The following FBXO31 variants were observed in gnomAD, a reference collection of about 807,000 sequenced individuals.
FBXO31 encodes F-box protein 31.
FBXO31 carries 24 observed loss-of-function variants against 54.4 expected under a neutral mutation model. The observed-to-expected ratio is 0.44, with a 90% CI of 0.32 to 0.62. The LOEUF (loss-of-function observed/expected upper bound fraction) is 0.62. FBXO31 is among the 20% of genes least tolerant of loss of function. The pLI is 0.05. For synonymous variants in FBXO31, 388 were observed against 335.6 expected (o/e 1.16, Z -1.71); for missense variants, 665 against 787.1 (o/e 0.84, Z 1.86).
rs200030266 is a variant in FBXO31, at chr16:87,347,155, G to T, written c.489+19C>A. 1 of 1,612,018 alleles carries T rather than the reference G, an allele frequency of 6.2e-7. No individual in the cohort carries two copies. The highest frequency in any genetic ancestry group is 1.1e-5 in the South Asian group (1 of 91,022). On this transcript the variant is annotated intron_variant, in intron 3 of 8. Coordinates refer to ENST00000311635, the MANE Select transcript of FBXO31 (RefSeq NM_024735.5). ...CTCCTGCCCGTGCACAGACCTCGTC[G>T]CGAGGCTCCGGGACTTACCACCACG...
chr16:87,383,850 G>A (rs1273672941), upstream of FBXO31: 3 of 830,496 alleles, frequency 3.6e-6, no homozygotes. The surrounding 1 kb of genome is among the most constrained non-coding windows in gnomAD (Gnocchi z 4.9). Flanking sequence ...CACGCCCCCT[G>A]GAGAGCCTAG....
Position 87,345,424 on chromosome 16 carries a change from C to T in FBXO31, c.490-1659G>A, listed in dbSNP as rs1905344591. 6.6e-6 allele frequency among the ~76,000 whole-genome samples: 1 copy of T among 152,140 alleles called. No homozygotes were observed. Among genetic ancestry groups the T allele is most frequent in the Non-Finnish European group, 1.5e-5 (1 of 68,020 alleles). On this transcript the variant is annotated intron_variant, in intron 3 of 8. Transcript: ENST00000311635. This position sits in a 1 kb window ranked among gnomAD's most constrained non-coding sequence, Gnocchi z 4.9. ...GCAGACACTGGCACCACGCAGAGCC[C>T]GCAGAGCACCACCTCCTCACCCCAC...
At chr16:87,387,770 T>C (rs1217941781), upstream of FBXO31, among the ~76,000 whole-genome samples, 2 of 152,088 alleles carry the variant, frequency 1.3e-5, no homozygotes, top group African/African-American at 2.4e-5. Context: ...TGGCGCCACA[T>C]GCACTGGGCA....
rs544443333 is a variant in FBXO31, at chr16:87,335,050, C to G, written c.996+254G>C. Among the ~76,000 whole-genome samples, 3 of 152,356 alleles carry G rather than the reference C, an allele frequency of 2.0e-5. No homozygotes were observed. The South Asian group carries it at 6.2e-4, about 32-fold the overall frequency. ...CACAGGGCTGCCAGGGTGGCCGGGGCTGAGCGGTGCTGTGGGAAGGCCACC... is the reference window on the plus strand; with the variant it reads ...CACAGGGCTGCCAGGGTGGCCGGGGGTGAGCGGTGCTGTGGGAAGGCCACC... On this transcript the variant is annotated intron_variant, in intron 7 of 8. Transcript: ENST00000311635. This position sits in a 1 kb window ranked among gnomAD's most constrained non-coding sequence, Gnocchi z 5.7.
chr16:87,344,124 G>A (rs1905281781), intron 3 of FBXO31, among the ~76,000 whole-genome samples: 2 of 152,270 alleles, frequency 1.3e-5, no homozygotes, highest in African/African-American at 2.4e-5. Context: ...GAGATGATCA[G>A]GGAAGCATCC....
At chr16:87,391,513 G>A (rs1907548626), upstream of FBXO31, 1 of 152,466 alleles carries the variant, frequency 6.6e-6, no homozygotes, top group African/African-American at 2.4e-5. Flanking sequence ...GTGGCTGGGA[G>A]GCTGAGGGGT....
chr16:87,348,153 C>T (rs898093782), intron 2 of FBXO31, among the ~76,000 whole-genome samples: 4 of 152,178 alleles, frequency 2.6e-5, no homozygotes, highest in African/African-American at 7.2e-5. Flanking sequence ...CACCCACTGC[C>T]TCTCTCCACG....
chr16:87,378,522 C>T (rs973310760), intron 1 of FBXO31, among the ~76,000 whole-genome samples: 1 of 152,246 alleles, frequency 6.6e-6, no homozygotes, highest in Non-Finnish European at 1.5e-5. Context: ...TAAGTTTCTC[C>T]TTCTGGGACT....
chr16:87,357,918 A>G (rs1162318308), intron 2 of FBXO31, among the ~76,000 whole-genome samples: 5 of 148,580 alleles, frequency 3.4e-5, no homozygotes, highest in East Asian at 2.0e-4. Context: ...CTCTGCCTCA[A>G]AAAAAAAAAA....
chr16:87,369,033 C>G (rs1227976283), intron 1 of FBXO31, among the ~76,000 whole-genome samples: 1 of 152,136 alleles, frequency 6.6e-6, no homozygotes, highest in Non-Finnish European at 1.5e-5. Context: ...AAGTGATCTG[C>G]CTGCCTCGGC....
intron 1 of FBXO31, among the ~76,000 whole-genome samples, chr16:87,364,843 G>C (rs562062812): frequency 6.6e-6 from 1 of 150,660 alleles, no homozygotes; most frequent in Non-Finnish European, 1.5e-5. Flanking sequence ...GCAACATGGC[G>C]AGAGCCCATC....
At chr16:87,352,330 G>A (rs1223036336) in intron 2 of FBXO31, among the ~76,000 whole-genome samples, 1 of 152,124 alleles carries the variant, frequency 6.6e-6, no homozygotes, top group Non-Finnish European at 1.5e-5. Flanking sequence ...TGATTTAAAA[G>A]ATGAGAATGT....
intron 2 of FBXO31, among the ~76,000 whole-genome samples, chr16:87,352,411 C>A (rs1905702259): frequency 6.6e-6 from 1 of 152,002 alleles, no homozygotes; most frequent in Non-Finnish European, 1.5e-5. Context: ...GATGCTGAGA[C>A]TTGTAAGATT....
At chr16:87,362,072 A>ATGAGAAGAGTGAGTCACTTGAAGATC (rs61229147) in intron 1 of FBXO31, among the ~76,000 whole-genome samples, 2,601 of 152,246 alleles carry the variant, frequency 0.017, 85 homozygotes, top group African/African-American at 0.059. Context: ...GAAAACAGGA[A>ATGAGAAGAGTGAGTCACTTGAAGATC]TGAGAAGAGT....
chr16:87,330,904 A>C lies in FBXO31; in HGVS notation c.*384T>G. 1 of 246,210 alleles carries C rather than the reference A, an allele frequency of 4.1e-6. No homozygotes were observed. The allele number at this position is 246,210 out of a possible 1,614,324, so 15.3% of individuals were successfully genotyped here. A position where few individuals can be genotyped will look rare whatever the true frequency, so the allele number is the denominator to read the frequency against. The stretch of plus-strand genomic sequence containing the variant: ...ATGCGTCTCACACACGACCCAGTCT[A>C]TCACTCTATCCGCTCACAGGAAGAG... On this transcript the variant is annotated 3_prime_UTR_variant, in exon 9 of 9. Transcript: ENST00000311635.
upstream of FBXO31, among the ~76,000 whole-genome samples, chr16:87,387,338 C>T (rs538623253): frequency 6.6e-6 from 1 of 152,170 alleles, no homozygotes; most frequent in African/African-American, 2.4e-5. Flanking sequence ...CATTCTAAAA[C>T]GAGGAAGAAC....
intron 1 of FBXO31, among the ~76,000 whole-genome samples, chr16:87,379,250 T>C (rs539025904): frequency 1.2e-4 from 18 of 152,034 alleles, no homozygotes; most frequent in African/African-American, 9.7e-5. Context: ...GTAGGACAGA[T>C]CAGTCAGAGT....
intron 5 of FBXO31, among the ~76,000 whole-genome samples, chr16:87,341,300 T>C (rs1021755791): frequency 6.6e-6 from 1 of 152,208 alleles, no homozygotes; most frequent in African/African-American, 2.4e-5. Context: ...TTTTCTTTTT[T>C]AAGGGCTCAA....
At position 87,342,762 on chromosome 16, in the gene FBXO31, C is replaced by G. The variant is rs1034615670; in HGVS notation, c.732+115G>C. ...ACAATACCGGCTGAACCATGTGAAA[C>G]AGCCACCATGCAGGTCGCATGCTGC... On this transcript the variant is annotated intron_variant, in intron 5 of 8. Coordinates refer to ENST00000311635, the MANE Select transcript of FBXO31 (RefSeq NM_024735.5). 85 of 811,992 alleles carry G rather than the reference C, an allele frequency of 1.0e-4. No homozygotes were observed. In the East Asian group the frequency reaches 2.0e-3, roughly 19 times the overall value. The allele number at this position is 811,992 out of a possible 1,614,324, so 50.3% of individuals were successfully genotyped here.
Sources: gnomAD v4.1 joint callset for allele counts (sites outside exome capture counted in the v4.1 genomes callset) on GRCh38, gnomAD v4.1.1 for gene constraint, Gnocchi (gnomAD v3.1) non-coding constraint, MANE v1.5 for transcripts, NCBI Gene and HGNC (gene_info 2026-07-23, HGNC 2026-07-21) for gene names.